NDST4: variants seen among roughly 807,000 people sequenced by gnomAD.
NDST4 encodes the protein N-heparan sulfate sulfotransferase 4.
Under a neutral mutation model 100.8 loss-of-function variants are expected in NDST4, and 63 were observed. The ratio of observed to expected loss-of-function variants is 0.62; its 90% CI spans 0.51 to 0.77. The LOEUF is 0.77. Ranked by LOEUF, NDST4 falls within the 30% of genes least tolerant of loss-of-function variation. NDST4 has a pLI of 0.00. For missense variants in NDST4, 943 were observed against 1,018.4 expected (o/e 0.93, Z 1.01); for synonymous variants, 377 against 361.8 (o/e 1.04, Z -0.48).
intron 4 of NDST4, among the ~76,000 whole-genome samples, chr4:114,939,699 A>G (rs1725706779): frequency 6.6e-6 from 1 of 151,876 alleles, no homozygotes; most frequent in Non-Finnish European, 1.5e-5. Context: ...AAAAAAGGTA[A>G]AAAGCAATTG....
chr4:114,870,399 G>T (rs569326154), intron 7 of NDST4, among the ~76,000 whole-genome samples: 15 of 152,116 alleles, frequency 9.9e-5, no homozygotes, highest in Admixed American at 6.6e-4. Flanking sequence ...GATTCCAGTG[G>T]CTCTAGGTTT....
chr4:114,954,287 A>G (rs542505822), intron 4 of NDST4, among the ~76,000 whole-genome samples: 171 of 152,292 alleles, frequency 1.1e-3, no homozygotes, highest in South Asian at 6.2e-3. Context: ...ATCACGATGG[A>G]TTTAATTTAA....
intron 4 of NDST4, among the ~76,000 whole-genome samples, chr4:114,954,873 T>C (rs1196059945): frequency 6.6e-6 from 1 of 152,126 alleles, no homozygotes; most frequent in Non-Finnish European, 1.5e-5. Context: ...TCTGCAAATC[T>C]GGTTGTTCGA....
At position 114,914,835 on chromosome 4, in the gene NDST4, T is replaced by A. The variant is rs185179012; in HGVS notation, c.1536+20371A>T. 1.9e-3 allele frequency among the ~76,000 whole-genome samples: 290 copies of A among 152,244 alleles called. 2 individuals are homozygous for A. Among genetic ancestry groups the A allele is most frequent in the African/African-American group, 6.7e-3 (279 of 41,544 alleles). On this transcript the variant is annotated intron_variant, in intron 6 of 13. Coordinates refer to ENST00000264363, the MANE Select transcript of NDST4 (RefSeq NM_022569.3). Reference sequence around the variant, plus strand: ...TTTTTTAAAAGGCAAGAGCAGCTGCTTGTTTCCCTTTAATGTTTCATTAAC... The same window carrying A: ...TTTTTTAAAAGGCAAGAGCAGCTGCATGTTTCCCTTTAATGTTTCATTAAC...
At chr4:114,985,560 C>T (rs188973671) in intron 2 of NDST4, among the ~76,000 whole-genome samples, 211 of 152,166 alleles carry the variant, frequency 1.4e-3, no homozygotes, top group Non-Finnish European at 2.4e-3. Flanking sequence ...AAATAATGCA[C>T]GGAGAGGCTA....
At chr4:115,048,977 A>C (rs1376711945) in intron 2 of NDST4, among the ~76,000 whole-genome samples, 1 of 152,072 alleles carries the variant, frequency 6.6e-6, no homozygotes, top group Non-Finnish European at 1.5e-5. Flanking sequence ...AATCTAGTGA[A>C]ATAATTGTAG....
intron 6 of NDST4, among the ~76,000 whole-genome samples, chr4:114,888,624 T>C (rs895182093): frequency 1.3e-5 from 2 of 152,170 alleles, no homozygotes; most frequent in Non-Finnish European, 1.5e-5. Flanking sequence ...ATTCCAAAGC[T>C]CAGGTTCTTA....
intron 2 of NDST4, among the ~76,000 whole-genome samples, chr4:115,050,340 A>G (rs565590110): frequency 6.6e-6 from 1 of 152,226 alleles, no homozygotes; most frequent in Non-Finnish European, 1.5e-5. Context: ...ACAGGTAAGA[A>G]TCTATATAAT....
At chr4:115,008,767 T>C (rs1727476766) in intron 2 of NDST4, among the ~76,000 whole-genome samples, 1 of 127,848 alleles carries the variant, frequency 7.8e-6, no homozygotes, top group Middle Eastern at 4.3e-3. Flanking sequence ...GATGACATGA[T>C]TGTATATCTA....
At chr4:115,087,257 GCTAT>G (rs1729425720) in intron 1 of NDST4, among the ~76,000 whole-genome samples, 1 of 151,802 alleles carries the variant, frequency 6.6e-6, no homozygotes, top group Non-Finnish European at 1.5e-5. Context: ...AACCAGACAG[GCTAT>G]CTAAAATTCA....
intron 2 of NDST4, among the ~76,000 whole-genome samples, chr4:115,055,589 A>G (rs1056671055): frequency 6.6e-6 from 1 of 152,188 alleles, no homozygotes; most frequent in African/African-American, 2.4e-5. Flanking sequence ...GTCATTGATC[A>G]TATCGGTTAT....
chr4:115,019,182 G>A (rs1431248073), intron 2 of NDST4, among the ~76,000 whole-genome samples: 4 of 151,986 alleles, frequency 2.6e-5, no homozygotes, highest in African/African-American at 4.8e-5. Context: ...TTGTAAACAT[G>A]TTATGGCAAG....
intron 6 of NDST4, among the ~76,000 whole-genome samples, chr4:114,909,532 C>T (rs1283139517): frequency 2.0e-5 from 3 of 150,752 alleles, no homozygotes; most frequent in Admixed American, 1.3e-4. Context: ...CGGTGGCGGG[C>T]GCCTGTAGTC....
rs1727509439 is a variant in NDST4 at position 115,010,096 on chromosome 4, A to C, written c.979-32822T>G. On this transcript the variant is annotated intron_variant, in intron 2 of 13. Coordinates refer to ENST00000264363, the MANE Select transcript of NDST4 (RefSeq NM_022569.3). ...CTTTTACACTGTTGGTGGGACTGTAAACTAGTTCGACCATTGTGGAAGTCA... is the reference window on the plus strand; with the variant it reads ...CTTTTACACTGTTGGTGGGACTGTACACTAGTTCGACCATTGTGGAAGTCA... Among the ~76,000 whole-genome samples, 2 of 123,448 alleles carry C rather than the reference A, an allele frequency of 1.6e-5. 1 individual carries two copies. The highest frequency in any genetic ancestry group is 6.2e-5 in the African/African-American group (2 of 32,002). 81.0% of individuals were successfully genotyped at this position (123,448 alleles called of 152,430 possible).
chr4:115,027,870 A>G (rs1422152859), intron 2 of NDST4, among the ~76,000 whole-genome samples: 2 of 152,082 alleles, frequency 1.3e-5, no homozygotes, highest in Non-Finnish European at 2.9e-5. Context: ...CCTGACCAAC[A>G]TGGAAAAACC....
intron 6 of NDST4, among the ~76,000 whole-genome samples, chr4:114,888,178 G>C (rs994478835): frequency 6.6e-6 from 1 of 151,778 alleles, no homozygotes; most frequent in Non-Finnish European, 1.5e-5. Context: ...ACCCCAGCTT[G>C]GTGGCAGAAG....
intron 1 of NDST4, among the ~76,000 whole-genome samples, chr4:115,081,452 A>T (rs541348783): frequency 6.6e-6 from 1 of 152,200 alleles, no homozygotes; most frequent in East Asian, 1.9e-4. Context: ...ATTAGTTTGA[A>T]TCTCTTACCT....
At chr4:115,082,500 G>A (rs1013606614) in intron 1 of NDST4, among the ~76,000 whole-genome samples, 1 of 152,118 alleles carries the variant, frequency 6.6e-6, no homozygotes, top group South Asian at 2.1e-4. Context: ...TTGCATATAC[G>A]TGTGGTTGTT....
At chr4:114,968,575 G>T (rs934051484) in intron 4 of NDST4, among the ~76,000 whole-genome samples, 2 of 152,080 alleles carry the variant, frequency 1.3e-5, no homozygotes, top group African/African-American at 4.8e-5. Flanking sequence ...ATTCAACTCC[G>T]CCATTGCAAT....
Sources: allele counts gnomAD v4.1 joint callset (sites outside exome capture counted in the v4.1 genomes callset), GRCh38; gene constraint gnomAD v4.1.1; transcripts MANE v1.5; gene names NCBI Gene and HGNC (gene_info 2026-07-23, HGNC 2026-07-21).